MAP3K11: variants seen among roughly 807,000 people sequenced by gnomAD.
The protein encoded by MAP3K11 is SH3 domain-containing proline-rich kinase.
Under a neutral mutation model 84.9 loss-of-function variants are expected in MAP3K11, and 46 were observed. The observed-to-expected ratio is 0.54, with a 90% CI of 0.43 to 0.69. The LOEUF is 0.69. Among genes scored for constraint, MAP3K11 ranks in the 30% least tolerant of loss-of-function variants. MAP3K11 has a pLI of 0.00. For missense variants in MAP3K11, 1,053 were observed against 1,198.3 expected, an observed-to-expected ratio of 0.88 and a Z score of 1.79; for synonymous variants, 527 against 514.7, an observed-to-expected ratio of 1.02 and a Z score of -0.32.
At position 65,605,799 on chromosome 11, in the gene MAP3K11, G is replaced by T. The variant is rs1003478674; in HGVS notation, c.1793C>A (p.Ser598Tyr). The T allele has an allele frequency of 4.3e-6, 7 of 1,612,896 alleles. No homozygotes were observed. The highest frequency in any genetic ancestry group is 5.9e-6 in the Non-Finnish European group (7 of 1,179,480). The change falls in exon 8 of 10, where the codon TCC (serine) becomes TAC (tyrosine). Residue 598 changes from serine (S) to tyrosine (Y), a missense_variant. Coordinates refer to ENST00000309100, the MANE Select transcript of MAP3K11 (RefSeq NM_002419.4). ...GGGTGTGGAAGGAGATCCTAAGGGG[G>T]ATGAGTCATCTGAATCCAGGTACCA... ...ATWYLDSDDSSPLGSPSTPPA... is the reference protein window; with the variant it reads ...ATWYLDSDDSYPLGSPSTPPA...
chr11:65,603,696 T>G (rs571025331), intron 8 of MAP3K11, among the ~76,000 whole-genome samples: 1 of 152,342 alleles, frequency 6.6e-6, no homozygotes, highest in Admixed American at 6.5e-5. Context: ...AGTGTGGGAT[T>G]GGGCTAGGGG....
At position 65,607,624 on chromosome 11, in the gene MAP3K11, C is replaced by G; in HGVS notation, c.1245+17G>C. The stretch of plus-strand genomic sequence containing the variant: ...GGAGACACTCGTTCCAACGCTGGGT[C>G]CCTTGATTCCTCGCACCTTTTCCTT... On this transcript the variant is annotated intron_variant, in intron 4 of 9. Transcript: ENST00000309100. 6.3e-7 allele frequency: 1 copy of G among 1,594,606 alleles called. No individual in the cohort carries two copies. Among genetic ancestry groups the G allele is most frequent in the South Asian group, 1.1e-5 (1 of 89,358 alleles).
At chr11:65,612,451 G>A (rs929417655) in intron 1 of MAP3K11, 2 of 152,386 alleles carry the variant, frequency 1.3e-5, no homozygotes, top group African/African-American at 4.8e-5. Context: ...CTGTTGAGCT[G>A]TTTCACTCTC....
chr11:65,598,172 AG>A lies in MAP3K11; in HGVS notation c.*118del. ...GCAGTGTAGTGTTCCTGACCCCCAA[AG>A]GGGGGTGGGGTCCCTGGGGAAACTG... On this transcript the variant is annotated 3_prime_UTR_variant, in exon 10 of 10. Transcript: ENST00000309100. 7 of 839,440 alleles carry A rather than the reference AG, an allele frequency of 8.3e-6. No individual in the cohort carries two copies. Among genetic ancestry groups the A allele is most frequent in the Non-Finnish European group, 8.4e-6 (5 of 595,994 alleles). 52.0% of individuals were successfully genotyped at this position (839,440 alleles called of 1,614,324 possible). A position where few individuals can be genotyped will look rare whatever the true frequency, so the allele number is the denominator to read the frequency against.
At chr11:65,601,120 T>C (rs775794376) in intron 8 of MAP3K11, among the ~76,000 whole-genome samples, 10 of 152,204 alleles carry the variant, frequency 6.6e-5, no homozygotes, top group East Asian at 1.9e-4. Context: ...CCTTGGCCCC[T>C]GTCCGCAGCC....
Position 65,606,006 on chromosome 11 carries a change from C to T in MAP3K11, c.1679G>A (p.Arg560Gln), listed in dbSNP as rs748057055. 1.0e-5 allele frequency: 16 copies of T among 1,601,938 alleles called. 1 individual carries two copies. In the South Asian group the frequency reaches 1.7e-4, roughly 17 times the overall value. The stretch of plus-strand genomic sequence containing the variant: ...GGGACCCCAAGCCCAGCATGCTCGC[C>T]GCTCTCCATTGCTTGAGTCCTCCAG... Reference protein sequence around the residue: ...RRLEDSSNGERRACWAWGPSS... With the variant: ...RRLEDSSNGEQRACWAWGPSS... The change falls in exon 7 of 10, where the codon CGG becomes CAG. Residue 560 changes from arginine to glutamine, a missense_variant. Arg to Gln is a conservative substitution (Grantham distance 43). Transcript: ENST00000309100.
At position 65,598,351 on chromosome 11, in the gene MAP3K11, G is replaced by A. The variant is rs1854407491; in HGVS notation, c.2484C>T (p.Cys828=). 6.5e-7 allele frequency: 1 copy of A among 1,529,252 alleles called. No homozygotes were observed. The highest frequency in any genetic ancestry group is 2.1e-5 in the Admixed American group (1 of 48,716). 94.7% of individuals were successfully genotyped at this position (1,529,252 alleles called of 1,614,324 possible). The change falls in exon 10 of 10, where the codon TGC becomes TGT. Residue 828 remains cysteine (C), a synonymous_variant. Transcript: ENST00000309100. ...ANPFQGGPQD[C]RAQTKDMGAQ... Reference sequence around the variant, plus strand: ...CACCCATGTCTTTGGTCTGTGCCCTGCAGTCCTGGGGGCCCCCCTGGAAGG... The same window carrying A: ...CACCCATGTCTTTGGTCTGTGCCCTACAGTCCTGGGGGCCCCCCTGGAAGG...
rs748565430 is a variant in MAP3K11 at position 65,613,074 on chromosome 11, T to C, written c.683A>G (p.Tyr228Cys). ...GGGCACCAGGGCCTCGCAGTGCAGG[T>C]AGTGCATCCCACGGGCAATCTGCAC... ...WAVQIARGMH[Y>C]LHCEALVPVI... is the part of the protein sequence containing the mutation. The change falls in exon 1 of 10, where the codon TAC becomes TGC. Residue 228 changes from tyrosine to cysteine, a missense_variant. Transcript: ENST00000309100. 1.3e-6 allele frequency: 2 copies of C among 1,535,588 alleles called. No homozygotes were observed. Among genetic ancestry groups the C allele is most frequent in the Non-Finnish European group, 1.8e-6 (2 of 1,140,874 alleles).
chr11:65,602,740 G>C (rs1226895355), intron 8 of MAP3K11, among the ~76,000 whole-genome samples: 1 of 152,134 alleles, frequency 6.6e-6, no homozygotes. Context: ...GGGAGGTGGA[G>C]GCTGAAGTGA....
chr11:65,613,784 G>A lies in MAP3K11; in HGVS notation c.-28C>T. On this transcript the variant is annotated 5_prime_UTR_variant, in exon 1 of 10. Transcript: ENST00000309100. ...CCGGGAGCCGGCGCTGGGATGTGTG[G>A]AGGACCTTCTCTGGGTGCCCGTGGT... 1 of 1,509,852 alleles carries A rather than the reference G, an allele frequency of 6.6e-7. No individual in the cohort carries two copies. The highest frequency in any genetic ancestry group is 8.8e-7 in the Non-Finnish European group (1 of 1,134,302). The allele number at this position is 1,509,852 out of a possible 1,614,324, so 93.5% of individuals were successfully genotyped here. A position where few individuals can be genotyped will look rare whatever the true frequency, so the allele number is the denominator to read the frequency against.
At position 65,613,441 on chromosome 11, in the gene MAP3K11, G is replaced by C. The variant is rs374422083; in HGVS notation, c.316C>G (p.Pro106Ala). 2.5e-6 allele frequency: 4 copies of C among 1,612,178 alleles called. No homozygotes were observed. The highest frequency in any genetic ancestry group is 3.4e-6 in the Non-Finnish European group (4 of 1,179,486). The part of the protein sequence containing the change: ...PSNYVSRGGG[P>A]PPCEVASFQE... ...AAGCTGGCCACCTCGCAGGGGGGCGGGCCGCCACCCCGAGACACATAGTTG... is the reference window on the plus strand; with the variant it reads ...AAGCTGGCCACCTCGCAGGGGGGCGCGCCGCCACCCCGAGACACATAGTTG... The change falls in exon 1 of 10, where the codon CCG becomes GCG. Residue 106 changes from proline (P) to alanine (A), a missense_variant. Coordinates refer to ENST00000309100, the MANE Select transcript of MAP3K11 (RefSeq NM_002419.4).
rs1854401664 is a variant in MAP3K11, at chr11:65,598,071, G to A, written c.*220C>T. 5 of 406,294 alleles carry A rather than the reference G, an allele frequency of 1.2e-5. No individual in the cohort carries two copies. In the Admixed American group the frequency reaches 1.7e-4, roughly 14 times the overall value. 25.2% of individuals were successfully genotyped at this position (406,294 alleles called of 1,614,324 possible). The stretch of plus-strand genomic sequence containing the variant: ...TGGGTACAGTGTTGGGCCCCAGTAG[G>A]GCAGGTGAGCTGGGGGGACCTACAG... On this transcript the variant is annotated 3_prime_UTR_variant, in exon 10 of 10. Transcript: ENST00000309100.
intron 1 of MAP3K11, chr11:65,611,937 TC>T: frequency 6.6e-6 from 1 of 152,204 alleles, no homozygotes; most frequent in Non-Finnish European, 1.5e-5. Flanking sequence ...CTCTCCTGGC[TC>T]CCCCAGTCCT....
rs1854515288 is a variant in MAP3K11, at chr11:65,606,928, T to C, written c.1490-124A>G. ...GGGAGCGGCACGATGGCTGTGAGAC[T>C]GTGACCAGCCTCACTGCTTTCTTGA... On this transcript the variant is annotated intron_variant, in intron 5 of 9. Coordinates refer to ENST00000309100, the MANE Select transcript of MAP3K11 (RefSeq NM_002419.4). 7.8e-6 allele frequency: 5 copies of C among 644,550 alleles called. No individual in the cohort carries two copies. In the South Asian group the frequency reaches 9.3e-5, roughly 12 times the overall value. 39.9% of individuals were successfully genotyped at this position (644,550 alleles called of 1,614,324 possible). A position where few individuals can be genotyped will look rare whatever the true frequency, so the allele number is the denominator to read the frequency against.
rs1474898072 is a variant in MAP3K11, at chr11:65,607,366, C to G, written c.1393G>C (p.Asp465His). ...CGGCGCACGTGCGGTCGCTCGCGGT[C>G]CACCTGCTGCAGCAGCAGCGTCAGC... is the stretch of plus-strand genomic sequence containing the variant. Reference protein sequence around the residue: ...RELTLLLQQVDRERPHVRRRR... With the variant: ...RELTLLLQQVHRERPHVRRRR... Residue 465 changes from aspartate (D) to histidine (H), a missense_variant, in exon 5 of 10, where the codon GAC (aspartate) becomes CAC (histidine). Asp to His is a moderately conservative substitution (Grantham distance 81). This residue lies in a region of MAP3K11 where 583 missense variants were observed against 566.6 expected (regional missense o/e 1.03). Coordinates refer to ENST00000309100, the MANE Select transcript of MAP3K11 (RefSeq NM_002419.4). 3 of 1,498,922 alleles carry G rather than the reference C, an allele frequency of 2.0e-6. No homozygotes were observed. The highest frequency in any genetic ancestry group is 8.8e-7 in the Non-Finnish European group (1 of 1,131,884). 92.9% of individuals were successfully genotyped at this position (1,498,922 alleles called of 1,614,324 possible). A position where few individuals can be genotyped will look rare whatever the true frequency, so the allele number is the denominator to read the frequency against.
At chr11:65,599,306 C>T in intron 9 of MAP3K11, 88 bp downstream of exon 9, 2 of 1,424,954 alleles carry the variant, frequency 1.4e-6, no homozygotes, top group East Asian at 3.0e-5. Flanking sequence ...CTCGGCCTTG[C>T]CTCCTTGCAT....
At chr11:65,606,503 A>G (rs1389125174) in intron 6 of MAP3K11, 188 bp downstream of exon 6, 1 of 461,910 alleles carries the variant, frequency 2.2e-6, no homozygotes, top group African/African-American at 2.0e-5. Context: ...CAATTATTTG[A>G]CTAAAAAAAA....
Position 65,605,541 on chromosome 11 carries a change from C to T in MAP3K11, c.1831+220G>A, listed in dbSNP as rs377509272. On this transcript the variant is annotated intron_variant, in intron 8 of 9. Transcript: ENST00000309100. Reference sequence around the variant, plus strand: ...AGCAAGGGGATGAGACTCTGGGCCCCGAGCCGAGGCCTGGGCTGTATGCCG... The same window carrying T: ...AGCAAGGGGATGAGACTCTGGGCCCTGAGCCGAGGCCTGGGCTGTATGCCG... The T allele has an allele frequency of 7.7e-4, 369 of 477,994 alleles. 3 individuals carry two copies. The highest frequency in any genetic ancestry group is 7.0e-3 in the African/African-American group (341 of 48,850). 29.6% of individuals were successfully genotyped at this position (477,994 alleles called of 1,614,324 possible). A position where few individuals can be genotyped will look rare whatever the true frequency, so the allele number is the denominator to read the frequency against.
intron 8 of MAP3K11, among the ~76,000 whole-genome samples, chr11:65,601,841 C>T (rs964134994): frequency 1.3e-5 from 2 of 152,060 alleles, no homozygotes; most frequent in Non-Finnish European, 2.9e-5. Context: ...ATATCACCCC[C>T]ACTTCGCAGG....
Sources: gnomAD v4.1 joint callset for allele counts (sites outside exome capture counted in the v4.1 genomes callset) on GRCh38, gnomAD v4.1.1 for gene constraint, gnomAD v4.1.1 regional missense constraint, MANE v1.5 for transcripts, NCBI Gene and HGNC (gene_info 2026-07-23, HGNC 2026-07-21) for gene names.